Variants in DDB2 observed in about 807,000 individuals in gnomAD.
DDB2 encodes the protein damage specific DNA binding protein 2, also known as DNA damage-binding protein 2.
A neutral mutation model predicts 50.5 loss-of-function variants in DDB2; 27 were observed. That is an observed-to-expected ratio of 0.53 (90% confidence interval 0.39 to 0.74). The LOEUF (loss-of-function observed/expected upper bound fraction) is 0.74. DDB2 is among the 30% of genes least tolerant of loss of function. DDB2 has a pLI of 0.00. For synonymous variants in DDB2, 176 were observed against 205.5 expected, an observed-to-expected ratio of 0.86 and a Z score of 1.23; for missense variants, 424 against 545.6, an observed-to-expected ratio of 0.78 and a Z score of 2.22.
In DDB2 at chr11:47,215,094, G is replaced by A. The variant is rs1953380828; in HGVS notation, c.-43G>A. 1 of 1,613,706 alleles carries A rather than the reference G, an allele frequency of 6.2e-7. No homozygotes were observed. Among genetic ancestry groups the A allele is most frequent in the African/African-American group, 1.3e-5 (1 of 74,920 alleles). On this transcript the variant is annotated 5_prime_UTR_variant, in exon 1 of 10. The change abolishes an upstream ATG in the 5' untranslated region. Transcript: ENST00000256996. ...AGAGGCCTCTCAATCCTCCCTCCAT[G>A]ATCTTCGCATAGAGCACAGTACCCC...
intron 3 of DDB2, among the ~76,000 whole-genome samples, chr11:47,231,119 CAAA>C (rs139290057): frequency 3.3e-4 from 19 of 58,362 alleles, no homozygotes; most frequent in East Asian, 1.0e-3. Context: ...GCCTTCATCT[CAAA>C]AAAAAAAAAA....
chr11:47,217,579 T>C (rs1953419384), intron 3 of DDB2, among the ~76,000 whole-genome samples: 2 of 152,044 alleles, frequency 1.3e-5, no homozygotes, highest in South Asian at 4.1e-4. Flanking sequence ...ATATAGACTA[T>C]TGATCACCCA....
At chr11:47,217,629 G>A (rs1479616008) in intron 3 of DDB2, among the ~76,000 whole-genome samples, 2 of 151,042 alleles carry the variant, frequency 1.3e-5, no homozygotes, top group Non-Finnish European at 3.0e-5. Context: ...CAGTGGCTCA[G>A]GCCTGTAATC....
chr11:47,216,089 C>T (rs1953396414), intron 1 of DDB2: 3 of 607,822 alleles, frequency 4.9e-6, no homozygotes, highest in Admixed American at 2.5e-5. Flanking sequence ...TCTCAGGAAC[C>T]CTGCACGACT....
chr11:47,223,242 T>TA (rs1160884238), intron 3 of DDB2, among the ~76,000 whole-genome samples: 10 of 152,234 alleles, frequency 6.6e-5, no homozygotes, highest in Admixed American at 6.5e-4. Flanking sequence ...CCCAGCATTT[T>TA]GGGGGGCCAA....
intron 3 of DDB2, among the ~76,000 whole-genome samples, chr11:47,232,159 CATGGT>C (rs1565155495): frequency 1.3e-5 from 2 of 152,178 alleles, no homozygotes; most frequent in East Asian, 3.9e-4. Context: ...GCCTGGCCAA[CATGGT>C]GAAACCCTGT....
At chr11:47,219,008 A>C (rs1953443374) in intron 3 of DDB2, among the ~76,000 whole-genome samples, 1 of 151,810 alleles carries the variant, frequency 6.6e-6, no homozygotes, top group African/African-American at 2.4e-5. Flanking sequence ...GCAGTGGCGC[A>C]ATCTTGGCTC....
intron 2 of DDB2, 43 bp from the exon 3 acceptor site, chr11:47,216,815 A>T: frequency 6.3e-7 from 1 of 1,598,286 alleles, no homozygotes; most frequent in Non-Finnish European, 8.6e-7. Context: ...TTTACCCAGA[A>T]CTTGGGTTTT....
At chr11:47,231,695 G>C (rs1424348698) in intron 3 of DDB2, among the ~76,000 whole-genome samples, 1 of 151,774 alleles carries the variant, frequency 6.6e-6, no homozygotes, top group Non-Finnish European at 1.5e-5. Context: ...AATTTTTTTT[G>C]TGTGTGTAGA....
chr11:47,215,215 C>T lies in DDB2; in HGVS notation c.79C>T (p.Pro27Ser), dbSNP rs148175447. 3 of 1,613,872 alleles carry T rather than the reference C, an allele frequency of 1.9e-6. No individual in the cohort carries two copies. Among genetic ancestry groups the T allele is most frequent in the Admixed American group, 1.7e-5 (1 of 59,968 alleles). Reference protein sequence around the residue: ...LRPRNKRSRSPLELEPEAKKL... With the variant: ...LRPRNKRSRSSLELEPEAKKL... ...CCCCAGGAACAAGAGGAGCAGGAGT[C>T]CCCTGGAGCTGGAGCCCGAGGCCAA... The change falls in exon 1 of 10, where the codon CCC becomes TCC. Residue 27 changes from proline (P) to serine (S), a missense_variant. Coordinates refer to ENST00000256996, the MANE Select transcript of DDB2 (RefSeq NM_000107.3).
intron 3 of DDB2, among the ~76,000 whole-genome samples, chr11:47,231,119 C>CAAAAAAAAAAAAAA (rs139290057): frequency 2.1e-4 from 12 of 58,336 alleles, no homozygotes; most frequent in African/African-American, 2.6e-4. Context: ...GCCTTCATCT[C>CAAAAAAAAAAAAAA]AAAAAAAAAA....
chr11:47,238,226 T>G (rs1408226559), intron 9 of DDB2, 43 bp downstream of exon 9: 1 of 1,563,418 alleles, frequency 6.4e-7, no homozygotes, highest in South Asian at 1.2e-5. Flanking sequence ...AGTCCGATCC[T>G]ACTTCCCAAG....
At position 47,216,444 on chromosome 11, in the gene DDB2, G is replaced by A; in HGVS notation, c.236G>A (p.Gly79Asp). The change falls in exon 2 of 10, where the codon GGC becomes GAC. Residue 79 changes from glycine (G) to aspartate (D), a missense_variant. Coordinates refer to ENST00000256996, the MANE Select transcript of DDB2 (RefSeq NM_000107.3). Reference protein sequence around the residue: ...IVRTLHQHKLGRASWPSVQQG... With the variant: ...IVRTLHQHKLDRASWPSVQQG... Reference sequence around the variant, plus strand: ...AGGACCCTCCACCAGCATAAGCTGGGCAGAGCTTCCTGGCCATCTGTCCAG... The same window carrying A: ...AGGACCCTCCACCAGCATAAGCTGGACAGAGCTTCCTGGCCATCTGTCCAG... 1 of 1,613,780 alleles carries A rather than the reference G, an allele frequency of 6.2e-7. No homozygotes were observed. The highest frequency in any genetic ancestry group is 1.3e-5 in the African/African-American group (1 of 75,040).
At chr11:47,223,409 G>A (rs544004346) in intron 3 of DDB2, among the ~76,000 whole-genome samples, 2 of 151,834 alleles carry the variant, frequency 1.3e-5, no homozygotes, top group Non-Finnish European at 2.9e-5. Flanking sequence ...CTTGAACCTG[G>A]GAGGCAGAGG....
chr11:47,216,257 C>G, intron 1 of DDB2, 79 bp from the exon 2 acceptor site: 2 of 1,604,716 alleles, frequency 1.2e-6, no homozygotes, highest in Non-Finnish European at 8.5e-7. Flanking sequence ...CCGAATGAAA[C>G]AAGGCTTCCT....
chr11:47,226,336 C>T (rs1161146402), intron 3 of DDB2, among the ~76,000 whole-genome samples: 1 of 148,770 alleles, frequency 6.7e-6, no homozygotes, highest in Non-Finnish European at 1.5e-5. Flanking sequence ...AATGCAGTGG[C>T]ACAGCCTCAG....
At chr11:47,235,123 T>C (rs1953705962) in intron 6 of DDB2, 147 bp from the exon 7 acceptor site, 1 of 1,355,502 alleles carries the variant, frequency 7.4e-7, no homozygotes, top group Non-Finnish European at 1.1e-6. Flanking sequence ...TTTTTTGTTG[T>C]TGTTCACAGC....
At chr11:47,214,873 G>T (rs1953376569), upstream of DDB2, 2 of 522,406 alleles carry the variant, frequency 3.8e-6, no homozygotes, top group Admixed American at 3.2e-5. Context: ...CGCCCCTCCC[G>T]GGAGCGCTGG....
At position 47,238,188 on chromosome 11, in the gene DDB2, G is replaced by A; in HGVS notation, c.1234+5G>A. On this transcript the variant is annotated splice_donor_5th_base_variant and intron_variant, in intron 9 of 9. Coordinates refer to ENST00000256996, the MANE Select transcript of DDB2 (RefSeq NM_000107.3). ...ACACGCTGGCCTCTGCAATGGGTGA[G>A]TAGGAGGAGAATGTCTCTGACTTGC... 1.2e-6 allele frequency: 2 copies of A among 1,608,560 alleles called. No individual in the cohort carries two copies. Among genetic ancestry groups the A allele is most frequent in the Non-Finnish European group, 1.7e-6 (2 of 1,177,162 alleles).
Sources: gnomAD v4.1 joint callset for allele counts (sites outside exome capture counted in the v4.1 genomes callset) on GRCh38, gnomAD v4.1.1 for gene constraint, MANE v1.5 for transcripts, NCBI Gene and HGNC (gene_info 2026-07-23, HGNC 2026-07-21) for gene names.